NCR2: variants seen among roughly 807,000 people sequenced by gnomAD.
NCR2 encodes natural cytotoxicity triggering receptor 2, also known as NK cell activating receptor (NKp44).
A neutral mutation model predicts 30.7 loss-of-function variants in NCR2; 35 were observed. That is an observed-to-expected ratio of 1.14 (90% CI 0.87 to 1.51). The LOEUF (loss-of-function observed/expected upper bound fraction) is 1.51, where lower values mean the gene tolerates loss of function less well. NCR2 is among the 40% of genes most tolerant of loss of function. The pLI is 0.00. For synonymous variants in NCR2, 146 were observed against 134.8 expected, an observed-to-expected ratio of 1.08 and a Z score of -0.58; for missense variants, 316 against 328.9, an observed-to-expected ratio of 0.96 and a Z score of 0.30.
chr6:41,336,428 G>T lies in NCR2; in HGVS notation c.394G>T (p.Ala132Ser). 6.2e-7 allele frequency: 1 copy of T among 1,610,242 alleles called. No homozygotes were observed. Among genetic ancestry groups the T allele is most frequent in the South Asian group, 1.1e-5 (1 of 90,994 alleles). ...SVRFYLVVSP[A>S]SASTQTSWTP... Reference sequence around the variant, plus strand: ...CAGATTCTATCTGGTGGTATCTCCAGGTGAGCTCTTTCCCTAGGGTCCTCA... The same window carrying T: ...CAGATTCTATCTGGTGGTATCTCCATGTGAGCTCTTTCCCTAGGGTCCTCA... The change falls in exon 2 of 5, where the codon GCC (alanine) becomes TCC (serine). Residue 132 changes from alanine (A) to serine (S), a missense_variant and splice_region_variant. Coordinates refer to ENST00000373089, the MANE Select transcript of NCR2 (RefSeq NM_004828.4).
chr6:41,338,957 G>A (rs9471581), intron 2 of NCR2, among the ~76,000 whole-genome samples: 18,632 of 152,268 alleles, frequency 0.12, 1,625 homozygotes, highest in East Asian at 0.31. Flanking sequence ...TATATGTGAA[G>A]TATGGATTCC....
chr6:41,345,948 C>A (rs993674436), intron 4 of NCR2, among the ~76,000 whole-genome samples: 2 of 152,110 alleles, frequency 1.3e-5, no homozygotes, highest in African/African-American at 4.8e-5. Context: ...GTTTGTTCTC[C>A]TTTGCCTCAT....
At chr6:41,345,301 G>A (rs1271182252) in intron 4 of NCR2, among the ~76,000 whole-genome samples, 1 of 152,000 alleles carries the variant, frequency 6.6e-6, no homozygotes, top group Non-Finnish European at 1.5e-5. Context: ...ACTTTCTGGG[G>A]TTCCAAGGTA....
At position 41,341,880 on chromosome 6, in the gene NCR2, G is replaced by A. The variant is rs34456049; in HGVS notation, c.481G>A (p.Gly161Arg). ...QTQSCVPPTA[G>R]ARQAPESPST... ...CCAGAGCTGTGTGCCTCCCACTGCAGGAGCCAGACAAGCCCCTGAGTCTCC... is the reference window on the plus strand; with the variant it reads ...CCAGAGCTGTGTGCCTCCCACTGCAAGAGCCAGACAAGCCCCTGAGTCTCC... Residue 161 changes from glycine to arginine, a missense_variant, in exon 3 of 5, where the codon GGA becomes AGA. Transcript: ENST00000373089. 0.011 allele frequency: 17,976 copies of A among 1,613,998 alleles called. 153 individuals carry two copies. Among genetic ancestry groups the A allele is most frequent in the Non-Finnish European group, 0.013 (15,426 of 1,179,982 alleles).
chr6:41,345,770 G>A (rs142279952), intron 4 of NCR2, among the ~76,000 whole-genome samples: 1,607 of 152,114 alleles, frequency 0.011, 24 homozygotes, highest in Middle Eastern at 0.031. Context: ...ATTCCCACTC[G>A]TCCCAAATCC....
Position 41,336,211 on chromosome 6 carries a change from A to G in NCR2, c.177A>G (p.Ser59=), listed in dbSNP as rs1231692652. 2.4e-5 allele frequency: 39 copies of G among 1,614,206 alleles called. No individual in the cohort carries two copies. The highest frequency in any genetic ancestry group is 3.1e-5 in the Non-Finnish European group (37 of 1,180,036). Residue 59 remains serine, a synonymous_variant, in exon 2 of 5, where the codon TCA becomes TCG. Coordinates refer to ENST00000373089, the MANE Select transcript of NCR2 (RefSeq NM_004828.4). ...YEKKGWCKEA[S]ALVCIRLVTS... is the part of the protein sequence containing the mutation. ...AGAAAGGCTGGTGTAAGGAGGCTTC[A>G]GCACTTGTGTGCATCAGGTTAGTCA...
chr6:41,340,916 C>T (rs1294686742), intron 2 of NCR2, among the ~76,000 whole-genome samples: 1 of 152,094 alleles, frequency 6.6e-6, no homozygotes, highest in Admixed American at 6.6e-5. Context: ...GGAGGACCTT[C>T]CAGGGCAGTC....
At position 41,343,097 on chromosome 6, in the gene NCR2, G is replaced by T. The variant is rs113053375; in HGVS notation, c.644+948G>T. The T allele has an allele frequency of 3.1e-6, 4 of 1,298,070 alleles. No homozygotes were observed. In the East Asian group the frequency reaches 1.0e-4, roughly 33 times the overall value. 80.4% of individuals were successfully genotyped at this position (1,298,070 alleles called of 1,614,324 possible). ...TGACTTCTGACCTCTGCTGTTATCC[G>T]CAAAGAAAAGGCCAGGACTTGATCC... is the stretch of plus-strand genomic sequence containing the variant. On this transcript the variant is annotated intron_variant, in intron 4 of 4. Coordinates refer to ENST00000373089, the MANE Select transcript of NCR2 (RefSeq NM_004828.4).
intron 4 of NCR2, among the ~76,000 whole-genome samples, chr6:41,349,669 C>T (rs1052984107): frequency 2.0e-5 from 3 of 152,208 alleles, no homozygotes; most frequent in Non-Finnish European, 4.4e-5. Flanking sequence ...TGCACCCCAG[C>T]TCCACAGAGA....
chr6:41,342,256 A>G (rs1769193507), intron 4 of NCR2, 107 bp downstream of exon 4: 2 of 1,452,886 alleles, frequency 1.4e-6, no homozygotes, highest in Admixed American at 2.1e-5. Flanking sequence ...TGGAAATTAT[A>G]ATCGGCAGAG....
At chr6:41,341,769 C>T in intron 2 of NCR2, 25 bp from the exon 3 acceptor site, 1 of 1,598,120 alleles carries the variant, frequency 6.3e-7, no homozygotes, top group Non-Finnish European at 8.5e-7. Flanking sequence ...CACTCACTAA[C>T]CACGCTCTTT....
intron 4 of NCR2, among the ~76,000 whole-genome samples, chr6:41,343,973 T>G (rs1769241898): frequency 6.6e-6 from 1 of 152,144 alleles, no homozygotes; most frequent in South Asian, 2.1e-4. Flanking sequence ...CCTCTCCCTC[T>G]GCCCTTGCTC....
At chr6:41,347,594 C>T (rs1483954350) in intron 4 of NCR2, among the ~76,000 whole-genome samples, 1 of 152,252 alleles carries the variant, frequency 6.6e-6, no homozygotes, top group Non-Finnish European at 1.5e-5. Flanking sequence ...TCTTGAGATG[C>T]TTTCTTCCAG....
chr6:41,341,685 G>A (rs538421898), intron 2 of NCR2, 109 bp from the exon 3 acceptor site: 30 of 1,358,192 alleles, frequency 2.2e-5, no homozygotes, highest in African/African-American at 1.2e-4. Context: ...TTCTCTGGGC[G>A]CATGGGCTCT....
chr6:41,336,291 AC>A lies in NCR2; in HGVS notation c.260del (p.Pro87LeufsTer10), dbSNP rs750146756. On this transcript the variant is annotated frameshift_variant, in exon 2 of 5. Coordinates refer to ENST00000373089, the MANE Select transcript of NCR2 (RefSeq NM_004828.4). LOFTEE classifies it high-confidence loss of function. ...AWTSRFTIWDDPDAGFFTVTM... is the reference protein window; with the variant it reads ...AWTSRFTIWDXPDAGFFTVTM... The stretch of plus-strand genomic sequence containing the variant: ...ACCTCTCGATTCACAATCTGGGACG[AC>A]CCTGATGCTGGCTTCTTCACTGTCA... 10 of 1,613,958 alleles carry A rather than the reference AC, an allele frequency of 6.2e-6. No homozygotes were observed. In the Admixed American group the frequency reaches 1.5e-4, roughly 24 times the overall value.
chr6:41,339,471 C>T (rs190566987), intron 2 of NCR2, among the ~76,000 whole-genome samples: 23 of 149,780 alleles, frequency 1.5e-4, no homozygotes, highest in South Asian at 1.3e-3. Flanking sequence ...CTGCAAGCTC[C>T]GCCTCCTGGG....
Position 41,335,688 on chromosome 6 carries a change from G to A in NCR2, c.-189G>A, listed in dbSNP as rs1730303069. 1.5e-6 allele frequency: 1 copy of A among 662,010 alleles called. No individual in the cohort carries two copies. Among genetic ancestry groups the A allele is most frequent in the Admixed American group, 2.3e-5 (1 of 42,972 alleles). 41.0% of individuals were successfully genotyped at this position (662,010 alleles called of 1,614,324 possible). A position where few individuals can be genotyped will look rare whatever the true frequency, so the allele number is the denominator to read the frequency against. ...AGACCCAGACTCACCTACAGCTGGA[G>A]ATCCCCACTTCCCTGTGCCCACAGA... On this transcript the variant is annotated 5_prime_UTR_variant, in exon 1 of 5. Transcript: ENST00000373089.
chr6:41,337,417 T>G (rs1769060843), intron 2 of NCR2, among the ~76,000 whole-genome samples: 2 of 152,216 alleles, frequency 1.3e-5, no homozygotes, highest in Non-Finnish European at 2.9e-5. Context: ...ATTCCTCAGT[T>G]AAAACTAAGT....
chr6:41,339,901 C>T (rs1399849504), intron 2 of NCR2, among the ~76,000 whole-genome samples: 1 of 152,204 alleles, frequency 6.6e-6, no homozygotes, highest in Admixed American at 6.5e-5. Context: ...CTACCATCTT[C>T]ATCTGGCTTA....
Sources: gnomAD v4.1 joint callset for allele counts (sites outside exome capture counted in the v4.1 genomes callset) on GRCh38, gnomAD v4.1.1 for gene constraint, MANE v1.5 for transcripts, NCBI Gene and HGNC (gene_info 2026-07-23, HGNC 2026-07-21) for gene names.